LRMDA: variants seen among roughly 807,000 people sequenced by gnomAD.
LRMDA encodes the protein leucine rich melanocyte differentiation associated.
LRMDA carries 18 observed loss-of-function variants against 29.8 expected under a neutral mutation model. That is an observed-to-expected ratio of 0.60 (90% CI 0.42 to 0.90). The LOEUF is 0.90. Ranked by LOEUF, LRMDA falls within the 40% of genes least tolerant of loss-of-function variation. LRMDA has a pLI of 0.00. For synonymous variants in LRMDA, 125 were observed against 109.4 expected, an observed-to-expected ratio of 1.14 and a Z score of -0.89; for missense variants, 273 against 273.9, an observed-to-expected ratio of 1.00 and a Z score of 0.02.
At chr10:75,554,773 A>G (rs1840193771) in intron 2 of LRMDA, among the ~76,000 whole-genome samples, 1 of 152,214 alleles carries the variant, frequency 6.6e-6, no homozygotes, top group Non-Finnish European at 1.5e-5. Flanking sequence ...GCAAGTTAAC[A>G]TCTTTCTTTG....
chr10:76,130,367 T>C (rs999162813), intron 5 of LRMDA, among the ~76,000 whole-genome samples: 1 of 152,264 alleles, frequency 6.6e-6, no homozygotes, highest in Non-Finnish European at 1.5e-5. Context: ...AGTTACTCTT[T>C]GTGTTTAAAA....
chr10:75,972,548 C>T (rs1846994378), intron 2 of LRMDA, among the ~76,000 whole-genome samples: 2 of 151,456 alleles, frequency 1.3e-5, no homozygotes, highest in Admixed American at 6.6e-5. Flanking sequence ...AGAATTTTCT[C>T]TTTTTTTTTA....
chr10:76,102,675 C>T (rs752851267), intron 5 of LRMDA, among the ~76,000 whole-genome samples: 2 of 152,038 alleles, frequency 1.3e-5, no homozygotes, highest in African/African-American at 2.4e-5. Context: ...TGTTTTGAGA[C>T]AGGGTCTCAC....
intron 2 of LRMDA, among the ~76,000 whole-genome samples, chr10:75,539,706 G>T (rs893059477): frequency 2.6e-5 from 4 of 152,166 alleles, no homozygotes; most frequent in Admixed American, 6.5e-5. Context: ...TATATTTTCA[G>T]AAAGATCTCA....
At chr10:76,411,202 A>G (rs777158788) in intron 6 of LRMDA, among the ~76,000 whole-genome samples, 71 of 152,194 alleles carry the variant, frequency 4.7e-4, no homozygotes, top group Non-Finnish European at 9.7e-4. Flanking sequence ...TGTCAGCGTC[A>G]CTTGCAGGCT....
At chr10:76,001,151 C>T (rs1231057349) in intron 2 of LRMDA, among the ~76,000 whole-genome samples, 1 of 152,200 alleles carries the variant, frequency 6.6e-6, no homozygotes, top group Non-Finnish European at 1.5e-5. Context: ...AATTCTTTCG[C>T]ATTGTCTGGT....
At chr10:75,611,696 G>C (rs1841034304) in intron 2 of LRMDA, among the ~76,000 whole-genome samples, 1 of 152,168 alleles carries the variant, frequency 6.6e-6, no homozygotes, top group Admixed American at 6.5e-5. Context: ...CCCATACAGT[G>C]CTTCTGGGAG....
rs148766169 is a variant in LRMDA, at chr10:75,841,343, G to A, written c.132-194665G>A. Among the ~76,000 whole-genome samples the A allele has an allele frequency of 5.8e-3, 890 of 152,296 alleles. 12 individuals are homozygous for A. The highest frequency in any genetic ancestry group is 0.02 in the African/African-American group (833 of 41,576). ...ATTATCGAACTTAAATATACCTGCAGTTAGGAATGCTATGTTTTGTCTGTG... is the reference window on the plus strand; with the variant it reads ...ATTATCGAACTTAAATATACCTGCAATTAGGAATGCTATGTTTTGTCTGTG... On this transcript the variant is annotated intron_variant, in intron 2 of 6. Coordinates refer to ENST00000611255, the MANE Select transcript of LRMDA (RefSeq NM_001305581.2).
intron 2 of LRMDA, among the ~76,000 whole-genome samples, chr10:75,738,813 G>A (rs1842795806): frequency 6.6e-6 from 1 of 152,156 alleles, no homozygotes; most frequent in African/African-American, 2.4e-5. Flanking sequence ...AGGTGCTCAC[G>A]TTGTGGTTTT....
chr10:75,940,769 GGT>G (rs143463038), intron 2 of LRMDA, among the ~76,000 whole-genome samples: 3 of 151,572 alleles, frequency 2.0e-5, no homozygotes, highest in Non-Finnish European at 4.4e-5. Context: ...AAATTTATGG[GGT>G]GTGTGTGTGT....
intron 2 of LRMDA, among the ~76,000 whole-genome samples, chr10:75,558,137 G>A (rs142366438): frequency 2.2e-3 from 326 of 151,574 alleles, no homozygotes; most frequent in Non-Finnish European, 3.7e-3. Context: ...AGTAAATTAG[G>A]TGATTGTCAG....
At chr10:76,256,751 T>A (rs1852601384) in intron 5 of LRMDA, among the ~76,000 whole-genome samples, 1 of 152,136 alleles carries the variant, frequency 6.6e-6, no homozygotes, top group Non-Finnish European at 1.5e-5. Flanking sequence ...CACTTAAAAG[T>A]TTATCTTTTA....
chr10:76,108,921 A>G (rs1175441316), intron 5 of LRMDA, among the ~76,000 whole-genome samples: 1 of 152,178 alleles, frequency 6.6e-6, no homozygotes, highest in African/African-American at 2.4e-5. Flanking sequence ...TCCATTTCCC[A>G]CAAGGCCAAA....
intron 6 of LRMDA, among the ~76,000 whole-genome samples, chr10:76,511,755 G>T (rs562351070): frequency 6.6e-6 from 1 of 150,416 alleles, no homozygotes; most frequent in Non-Finnish European, 1.5e-5. Flanking sequence ...CCATATTCAT[G>T]AATTAAAAGT....
intron 5 of LRMDA, among the ~76,000 whole-genome samples, chr10:76,224,998 G>A (rs568759436): frequency 6.6e-6 from 1 of 151,922 alleles, no homozygotes; most frequent in Non-Finnish European, 1.5e-5. Context: ...TTGAAGTAAA[G>A]TCCCAGCTAG....
intron 5 of LRMDA, among the ~76,000 whole-genome samples, chr10:76,069,054 C>T (rs959431726): frequency 2.6e-5 from 4 of 152,248 alleles, no homozygotes; most frequent in Non-Finnish European, 4.4e-5. Context: ...ACCTCTAGAA[C>T]ATCCAAGTTC....
chr10:75,685,824 TAAAC>T (rs1208299088), intron 2 of LRMDA, among the ~76,000 whole-genome samples: 1 of 152,094 alleles, frequency 6.6e-6, no homozygotes, highest in Non-Finnish European at 1.5e-5. Context: ...AAAGTAAAAA[TAAAC>T]AATAGTAATC....
chr10:75,628,039 A>T (rs1841274145), intron 2 of LRMDA, among the ~76,000 whole-genome samples: 1 of 152,242 alleles, frequency 6.6e-6, no homozygotes, highest in Non-Finnish European at 1.5e-5. Flanking sequence ...AATATTCTTC[A>T]GTGGAAGAAG....
Position 75,431,655 on chromosome 10 carries a change from T to A in LRMDA, c.-70T>A, listed in dbSNP as rs1564769500. 7 of 1,219,606 alleles carry A rather than the reference T, an allele frequency of 5.7e-6. No homozygotes were observed. The highest frequency in any genetic ancestry group is 7.1e-6 in the Non-Finnish European group (7 of 980,792). The allele number at this position is 1,219,606 out of a possible 1,614,324, so 75.5% of individuals were successfully genotyped here. ...GAACTGTGCGCCCGCCGCGCTCCCC[T>A]GCCGCGCTCCCCGCTGCTGCCGCCG... On this transcript the variant is annotated 5_prime_UTR_variant, in exon 1 of 7. Coordinates refer to ENST00000611255, the MANE Select transcript of LRMDA (RefSeq NM_001305581.2).
Sources: allele counts gnomAD v4.1 joint callset (sites outside exome capture counted in the v4.1 genomes callset), GRCh38; gene constraint gnomAD v4.1.1; transcripts MANE v1.5; gene names NCBI Gene and HGNC (gene_info 2026-07-23, HGNC 2026-07-21).